The following PRKCA variants were observed in gnomAD, a reference collection of about 807,000 sequenced individuals.
PRKCA encodes protein kinase C alpha type.
Under a neutral mutation model 87.0 loss-of-function variants are expected in PRKCA, and 27 were observed. That is an observed-to-expected ratio of 0.31 (90% CI 0.23 to 0.43). The LOEUF (loss-of-function observed/expected upper bound fraction) is 0.43, where lower values mean the gene tolerates loss of function less well. Ranked by LOEUF, PRKCA falls within the 20% of genes least tolerant of loss-of-function variation. The pLI is 1.00. For synonymous variants in PRKCA, 329 were observed against 311.1 expected (o/e 1.06, Z -0.61); for missense variants, 518 against 852.3 (o/e 0.61, Z 4.88).
intron 2 of PRKCA, among the ~76,000 whole-genome samples, chr17:66,492,777 T>TA (rs1415913883): frequency 1.3e-5 from 2 of 152,256 alleles, no homozygotes; most frequent in Non-Finnish European, 2.9e-5. Flanking sequence ...AAGATGCTTT[T>TA]AGCAGAAACA....
intron 5 of PRKCA, among the ~76,000 whole-genome samples, chr17:66,663,219 C>G (rs560949841): frequency 9.2e-5 from 14 of 152,318 alleles, no homozygotes; most frequent in Admixed American, 5.2e-4. Context: ...TGCGCCTTGT[C>G]CCTCAGATAA....
chr17:66,498,118 C>T (rs1407915517), intron 3 of PRKCA, among the ~76,000 whole-genome samples: 1 of 152,090 alleles, frequency 6.6e-6, no homozygotes, highest in African/African-American at 2.4e-5. Flanking sequence ...GTGTCATTCC[C>T]CTGCCCTCCC....
intron 2 of PRKCA, among the ~76,000 whole-genome samples, chr17:66,388,425 G>A (rs769214808): frequency 5.9e-5 from 9 of 152,056 alleles, no homozygotes; most frequent in Non-Finnish European, 1.2e-4. Context: ...TTCCCAAGTA[G>A]CTGGGATTAC....
At chr17:66,721,224 G>A (rs559101412) in intron 8 of PRKCA, among the ~76,000 whole-genome samples, 42 of 151,918 alleles carry the variant, frequency 2.8e-4, no homozygotes, top group African/African-American at 9.9e-4. Context: ...GTGAAACCCC[G>A]TCTCTACTAA....
chr17:66,592,917 C>T (rs970286610), intron 3 of PRKCA, among the ~76,000 whole-genome samples: 3 of 152,158 alleles, frequency 2.0e-5, no homozygotes, highest in Non-Finnish European at 2.9e-5. Flanking sequence ...CTCAGCCTCC[C>T]GAGTAGCTGG....
At chr17:66,462,894 A>ACATG (rs1914912987) in intron 2 of PRKCA, among the ~76,000 whole-genome samples, 1 of 151,850 alleles carries the variant, frequency 6.6e-6, no homozygotes, top group South Asian at 2.1e-4. Context: ...AATTACAAAG[A>ACATG]CATGCACACA....
Position 66,453,790 on chromosome 17 carries a change from C to T in PRKCA, c.206-42411C>T, listed in dbSNP as rs559007923. 3.3e-5 allele frequency among the ~76,000 whole-genome samples: 5 copies of T among 152,260 alleles called. No individual in the cohort carries two copies. In the East Asian group the frequency reaches 9.6e-4, roughly 29 times the overall value. ...TTGGGTTTTACTCAAATTTTCTCTC[C>T]CTGATGTAAACACGCAGATATTTTT... On this transcript the variant is annotated intron_variant, in intron 2 of 16. Coordinates refer to ENST00000413366, the MANE Select transcript of PRKCA (RefSeq NM_002737.3).
rs774336937 is a variant in PRKCA, at chr17:66,805,153, C to G, written c.*1116C>G. On this transcript the variant is annotated 3_prime_UTR_variant, in exon 17 of 17. Transcript: ENST00000413366. ...GATAAAAAGAATATGGTTTTGGTTC[C>G]CATTTCTAGTTCACGTTGAATGACA... 7.1e-4 allele frequency: 693 copies of G among 979,920 alleles called. No individual in the cohort carries two copies. The highest frequency in any genetic ancestry group is 8.2e-4 in the Non-Finnish European group (673 of 824,920). 60.7% of individuals were successfully genotyped at this position (979,920 alleles called of 1,614,324 possible).
chr17:66,401,396 A>G (rs1458332443), intron 2 of PRKCA, among the ~76,000 whole-genome samples: 1 of 152,224 alleles, frequency 6.6e-6, no homozygotes, highest in Non-Finnish European at 1.5e-5. Context: ...TGTATAGGAA[A>G]CCATAGGTGA....
At chr17:66,605,981 T>C (rs1156906587) in intron 3 of PRKCA, among the ~76,000 whole-genome samples, 2 of 152,198 alleles carry the variant, frequency 1.3e-5, no homozygotes, top group African/African-American at 4.8e-5. Context: ...AGGTTCCTTT[T>C]TGAGATGACA....
chr17:66,422,635 A>G (rs1912554546), intron 2 of PRKCA, among the ~76,000 whole-genome samples: 1 of 152,212 alleles, frequency 6.6e-6, no homozygotes, highest in Non-Finnish European at 1.5e-5. Flanking sequence ...CAACAGGACC[A>G]ACTTCTTTTA....
At position 66,539,561 on chromosome 17, in the gene PRKCA, A is replaced by G. The variant is rs561828211; in HGVS notation, c.288+43278A>G. Among the ~76,000 whole-genome samples, 31 of 151,700 alleles carry G rather than the reference A, an allele frequency of 2.0e-4. 1 individual carries two copies. Among genetic ancestry groups the G allele is most frequent in the African/African-American group, 7.3e-4 (30 of 41,336 alleles). ...TGGGACTACAGGCGCCCGCCACCAC[A>G]TCCAGCTAATTTTTTTTTATTTTTA... On this transcript the variant is annotated intron_variant, in intron 3 of 16. Transcript: ENST00000413366.
rs1975972984 is a variant in PRKCA at position 66,804,224 on chromosome 17, T to G, written c.*187T>G. The G allele has an allele frequency of 1.4e-6, 1 of 737,326 alleles. No homozygotes were observed. The highest frequency in any genetic ancestry group is 1.8e-5 in the African/African-American group (1 of 56,570). The allele number at this position is 737,326 out of a possible 1,614,324, so 45.7% of individuals were successfully genotyped here. On this transcript the variant is annotated 3_prime_UTR_variant, in exon 17 of 17. Transcript: ENST00000413366. ...GGTCTCTCTCTTACAACCAAGAACA[T>G]TATCTTAGTGGAAGATGGTACGTCA...
intron 2 of PRKCA, among the ~76,000 whole-genome samples, chr17:66,402,010 C>G (rs1255707132): frequency 6.6e-6 from 1 of 152,170 alleles, no homozygotes; most frequent in African/African-American, 2.4e-5. Context: ...GCAGATCCAT[C>G]CCCTATGTTG....
chr17:66,386,312 A>G (rs1184617585), intron 2 of PRKCA, among the ~76,000 whole-genome samples: 1 of 152,110 alleles, frequency 6.6e-6, no homozygotes, highest in Admixed American at 6.5e-5. Flanking sequence ...ATGTGCCAAA[A>G]TTTATTTAAG....
At chr17:66,380,122 G>A (rs1909697035) in intron 2 of PRKCA, among the ~76,000 whole-genome samples, 1 of 151,940 alleles carries the variant, frequency 6.6e-6, no homozygotes, top group Non-Finnish European at 1.5e-5. Flanking sequence ...ATCCAATTTA[G>A]GAAGTGTTTT....
At chr17:66,420,107 G>T (rs1169248637) in intron 2 of PRKCA, among the ~76,000 whole-genome samples, 1 of 150,992 alleles carries the variant, frequency 6.6e-6, no homozygotes, top group Non-Finnish European at 1.5e-5. Flanking sequence ...CGCCTCCTGA[G>T]TTCAAGCGAT....
chr17:66,581,010 T>C (rs1019370348), intron 3 of PRKCA, among the ~76,000 whole-genome samples: 1 of 152,208 alleles, frequency 6.6e-6, no homozygotes, highest in African/African-American at 2.4e-5. Flanking sequence ...CACAGTCTCA[T>C]GACAGGAAGG....
intron 3 of PRKCA, among the ~76,000 whole-genome samples, chr17:66,613,315 G>A (rs779022257): frequency 6.6e-5 from 10 of 151,692 alleles, no homozygotes; most frequent in Admixed American, 2.0e-4. Flanking sequence ...ATGCATAGCC[G>A]TCTACACAAG....
Sources: allele counts gnomAD v4.1 joint callset (sites outside exome capture counted in the v4.1 genomes callset), GRCh38; gene constraint gnomAD v4.1.1; transcripts MANE v1.5; gene names NCBI Gene and HGNC (gene_info 2026-07-23, HGNC 2026-07-21).